The following DGKI variants were observed in gnomAD, a reference collection of about 807,000 sequenced individuals.
The protein encoded by DGKI is diacylglycerol kinase iota.
A neutral mutation model predicts 147.5 loss-of-function variants in DGKI; 55 were observed. The observed-to-expected ratio is 0.37, with a 90% CI of 0.30 to 0.47. The LOEUF (loss-of-function observed/expected upper bound fraction) is 0.47, where lower values mean the gene tolerates loss of function less well. DGKI is among the 20% of genes least tolerant of loss of function. The pLI is 1.00. For missense variants in DGKI, 1,007 were observed against 1,323.8 expected, an observed-to-expected ratio of 0.76 and a Z score of 3.71; for synonymous variants, 469 against 477.1, an observed-to-expected ratio of 0.98 and a Z score of 0.22.
intron 19 of DGKI, among the ~76,000 whole-genome samples, chr7:137,558,854 G>C (rs1165610367): frequency 9.8e-6 from 1 of 101,952 alleles, no homozygotes; most frequent in Non-Finnish European, 1.9e-5. Context: ...CAGCCCACTG[G>C]TGTGTTTTAA....
At chr7:137,774,064 C>T (rs1295160195) in intron 1 of DGKI, among the ~76,000 whole-genome samples, 5 of 152,178 alleles carry the variant, frequency 3.3e-5, no homozygotes, top group African/African-American at 1.2e-4. Flanking sequence ...TGAGAAGGCA[C>T]CAAACTTTTT....
chr7:137,554,914 C>CTTTTTTTTTT (rs757320303), intron 19 of DGKI, among the ~76,000 whole-genome samples: 1 of 107,428 alleles, frequency 9.3e-6, no homozygotes, highest in African/African-American at 3.9e-5. Context: ...AAACTATTTT[C>CTTTTTTTTTT]TTTTTTTTTT....
rs556134111 is a variant in DGKI at position 137,424,168 on chromosome 7, G to A, written c.2762-11961C>T. Among the ~76,000 whole-genome samples the A allele has an allele frequency of 2.6e-5, 4 of 152,294 alleles. No individual in the cohort carries two copies. In the East Asian group the frequency reaches 7.7e-4, roughly 29 times the overall value. On this transcript the variant is annotated intron_variant, in intron 28 of 32. Transcript: ENST00000614521. ...AACTTTCACTATATCATGCTAAATT[G>A]ATTAAGCAACATTATGCCTTAGAAG...
rs1811061953 is a variant in DGKI at position 137,381,567 on chromosome 7, T to C, written c.*9653A>G. On this transcript the variant is annotated 3_prime_UTR_variant, in exon 33 of 33. Coordinates refer to ENST00000614521, the MANE Select transcript of DGKI (RefSeq NM_001321708.2). ...GGGTACCCTGGATGCCTGGGAACGT[T>C]TTCCCACTCAGAAATCAAATTAAAT... 1 of 151,812 alleles carries C rather than the reference T, an allele frequency of 6.6e-6. No individual in the cohort carries two copies. The highest frequency in any genetic ancestry group is 2.1e-4 in the South Asian group (1 of 4,804). The allele number at this position is 151,812 out of a possible 1,614,324, so 9.4% of individuals were successfully genotyped here.
chr7:137,528,916 T>C (rs1444630779), intron 20 of DGKI, among the ~76,000 whole-genome samples: 4 of 152,162 alleles, frequency 2.6e-5, no homozygotes, highest in African/African-American at 9.6e-5. Context: ...TTTTAGGGAA[T>C]TGGCTTTTAA....
intron 21 of DGKI, among the ~76,000 whole-genome samples, chr7:137,517,699 A>C (rs1816829490): frequency 6.6e-6 from 1 of 152,170 alleles, no homozygotes. Flanking sequence ...TTCCAAAATA[A>C]AAATTTGTTG....
Position 137,803,145 on chromosome 7 carries a change from C to T in DGKI, c.401+43317G>A, listed in dbSNP as rs1797265258. On this transcript the variant is annotated intron_variant, in intron 1 of 32. Transcript: ENST00000614521. The stretch of plus-strand genomic sequence containing the variant: ...GCAAGTGAGCGATTAAAGGTTTCTA[C>T]ATTTGGAGAGAAGGGATGGAGGGGT... Among the ~76,000 whole-genome samples, 3 of 152,074 alleles carry T rather than the reference C, an allele frequency of 2.0e-5. No individual in the cohort carries two copies. In the South Asian group the frequency reaches 6.2e-4, roughly 32 times the overall value.
chr7:137,408,093 T>G (rs765905335), intron 29 of DGKI, 98 bp from the exon 30 acceptor site: 114 of 1,444,434 alleles, frequency 7.9e-5, no homozygotes, highest in Non-Finnish European at 1.0e-4. Context: ...CAGACCACAA[T>G]GTTTCCAGCC....
chr7:137,739,762 A>C (rs1256414910), intron 1 of DGKI, among the ~76,000 whole-genome samples: 2 of 142,806 alleles, frequency 1.4e-5, no homozygotes, highest in Admixed American at 7.1e-5. Context: ...GACTGCCCAG[A>C]GAAAGTTGTT....
At chr7:137,725,358 G>A (rs1345737007) in intron 1 of DGKI, among the ~76,000 whole-genome samples, 1 of 152,086 alleles carries the variant, frequency 6.6e-6, no homozygotes, top group African/African-American at 2.4e-5. Context: ...TTGACAAAGG[G>A]TCAAAATAAC....
intron 1 of DGKI, among the ~76,000 whole-genome samples, chr7:137,793,726 A>G (rs1344431575): frequency 6.6e-6 from 1 of 152,164 alleles, no homozygotes; most frequent in African/African-American, 2.4e-5. Flanking sequence ...TTTTCTCCTT[A>G]ATGTGATTCC....
chr7:137,578,354 T>C (rs200663161), intron 15 of DGKI, 29 bp from the exon 16 acceptor site: 3 of 1,581,448 alleles, frequency 1.9e-6, no homozygotes, highest in Non-Finnish European at 1.7e-6. Flanking sequence ...AGTTTTGTTA[T>C]GGAGACCTCA....
At chr7:137,811,067 CTA>C (rs1047276358) in intron 1 of DGKI, among the ~76,000 whole-genome samples, 13 of 152,100 alleles carry the variant, frequency 8.5e-5, no homozygotes, top group African/African-American at 3.1e-4. Flanking sequence ...AACAGAAAAA[CTA>C]AAATTGTTGC....
At chr7:137,500,888 C>T (rs1362860783) in intron 21 of DGKI, among the ~76,000 whole-genome samples, 1 of 152,138 alleles carries the variant, frequency 6.6e-6, no homozygotes. Context: ...TCTCAATCTT[C>T]TCTTCCTAGT....
intron 1 of DGKI, among the ~76,000 whole-genome samples, chr7:137,772,556 C>T (rs1293722926): frequency 6.6e-6 from 1 of 152,128 alleles, no homozygotes; most frequent in African/African-American, 2.4e-5. Flanking sequence ...CCTAAGCCCC[C>T]AGATCTGTTC....
intron 1 of DGKI, among the ~76,000 whole-genome samples, chr7:137,751,616 C>T (rs1176139040): frequency 1.3e-5 from 2 of 152,168 alleles, no homozygotes; most frequent in Non-Finnish European, 2.9e-5. Flanking sequence ...ATTGTTCTAG[C>T]ACTTTTGAAA....
At chr7:137,752,657 A>G (rs944253380) in intron 1 of DGKI, among the ~76,000 whole-genome samples, 1 of 152,162 alleles carries the variant, frequency 6.6e-6, no homozygotes, top group African/African-American at 2.4e-5. Flanking sequence ...TCTGATTACC[A>G]GTGCTTGCAG....
At chr7:137,642,740 A>G (rs1007050392) in intron 6 of DGKI, among the ~76,000 whole-genome samples, 2 of 152,166 alleles carry the variant, frequency 1.3e-5, no homozygotes, top group Non-Finnish European at 2.9e-5. Context: ...AAGGCAAGAG[A>G]AAATCAGTCC....
At position 137,389,199 on chromosome 7, in the gene DGKI, G is replaced by A. The variant is rs1811271780; in HGVS notation, c.*2021C>T. 1 of 152,134 alleles carries A rather than the reference G, an allele frequency of 6.6e-6. No individual in the cohort carries two copies. The highest frequency in any genetic ancestry group is 2.4e-5 in the African/African-American group (1 of 41,438). The allele number at this position is 152,134 out of a possible 1,614,324, so 9.4% of individuals were successfully genotyped here. On this transcript the variant is annotated 3_prime_UTR_variant, in exon 33 of 33. Coordinates refer to ENST00000614521, the MANE Select transcript of DGKI (RefSeq NM_001321708.2). ...AGCCCAGTGATTAAATTCTCCTGGAGCATATTTTTCCAGCTTCTGGAAACA... is the reference window on the plus strand; with the variant it reads ...AGCCCAGTGATTAAATTCTCCTGGAACATATTTTTCCAGCTTCTGGAAACA...
Sources: allele counts gnomAD v4.1 joint callset (sites outside exome capture counted in the v4.1 genomes callset), GRCh38; gene constraint gnomAD v4.1.1; transcripts MANE v1.5; gene names NCBI Gene and HGNC (gene_info 2026-07-23, HGNC 2026-07-21).